FGF14: variants seen among roughly 807,000 people sequenced by gnomAD.
The protein encoded by FGF14 is fibroblast growth factor homologous factor 4.
A neutral mutation model predicts 25.5 loss-of-function variants in FGF14; 5 were observed. That is an observed-to-expected ratio of 0.20 (90% CI 0.10 to 0.41). The LOEUF (loss-of-function observed/expected upper bound fraction) is 0.41, where lower values mean the gene tolerates loss of function less well. Among genes scored for constraint, FGF14 ranks in the 10% least tolerant of loss-of-function variants. FGF14 has a pLI of 1.00. For missense variants in FGF14, 222 were observed against 320.1 expected (o/e 0.69, Z 2.34); for synonymous variants, 138 against 118.3 (o/e 1.17, Z -1.08).
intron 1 of FGF14, among the ~76,000 whole-genome samples, chr13:102,202,068 C>A (rs979909592): frequency 2.0e-5 from 3 of 152,138 alleles, no homozygotes; most frequent in African/African-American, 7.2e-5. Flanking sequence ...TCCTCCTGCT[C>A]CTGCCATGTG....
chr13:101,728,170 G>A (rs2035568194), intron 3 of FGF14, among the ~76,000 whole-genome samples: 1 of 152,078 alleles, frequency 6.6e-6, no homozygotes, highest in Admixed American at 6.6e-5. Context: ...TCAGTGTGCT[G>A]AATAACTTTC....
chr13:101,984,821 G>A (rs1313230235), intron 1 of FGF14, among the ~76,000 whole-genome samples: 3 of 152,084 alleles, frequency 2.0e-5, no homozygotes, highest in African/African-American at 4.8e-5. Context: ...TGGGGACACA[G>A]GCTTGAGTTG....
At chr13:101,817,733 C>A (rs905905253) in intron 3 of FGF14, among the ~76,000 whole-genome samples, 3 of 152,182 alleles carry the variant, frequency 2.0e-5, no homozygotes, top group Admixed American at 2.0e-4. Context: ...CGGACCTCAA[C>A]AGCACTCAGG....
At chr13:102,167,390 C>T (rs1352287927) in intron 1 of FGF14, among the ~76,000 whole-genome samples, 6 of 150,770 alleles carry the variant, frequency 4.0e-5, no homozygotes, top group Non-Finnish European at 5.9e-5. Flanking sequence ...AAGTTCCAGA[C>T]CAGAATTTTA....
intron 1 of FGF14, among the ~76,000 whole-genome samples, chr13:102,018,861 G>A (rs2040486756): frequency 6.6e-6 from 1 of 152,098 alleles, no homozygotes; most frequent in South Asian, 2.1e-4. Flanking sequence ...GGAACTTACA[G>A]ATTACCAGAT....
intron 1 of FGF14, among the ~76,000 whole-genome samples, chr13:102,363,041 C>T (rs1286721618): frequency 1.3e-5 from 2 of 152,032 alleles, no homozygotes; most frequent in Non-Finnish European, 2.9e-5. Context: ...ACCATTAAGG[C>T]ATAAAAACTG....
At chr13:101,792,821 T>C (rs1470817279) in intron 3 of FGF14, among the ~76,000 whole-genome samples, 1 of 152,114 alleles carries the variant, frequency 6.6e-6, no homozygotes, top group Non-Finnish European at 1.5e-5. Context: ...GAACAATCAG[T>C]TGGAGCTGAG....
At chr13:101,919,705 G>A (rs1231332126), upstream of FGF14, among the ~76,000 whole-genome samples, 3 of 151,926 alleles carry the variant, frequency 2.0e-5, no homozygotes, top group Non-Finnish European at 4.4e-5. Flanking sequence ...TGGCTGTGAG[G>A]GTCTCTGACA....
chr13:101,873,025 A>G (rs1237616967), intron 2 of FGF14, among the ~76,000 whole-genome samples: 1 of 146,596 alleles, frequency 6.8e-6, no homozygotes, highest in East Asian at 2.2e-4. Context: ...CTGCAGATAC[A>G]GAAGAAAAAA....
intron 1 of FGF14, among the ~76,000 whole-genome samples, chr13:102,322,731 T>A (rs961840339): frequency 1.3e-5 from 2 of 152,106 alleles, no homozygotes; most frequent in African/African-American, 4.8e-5. Context: ...ATGAATACAT[T>A]TGTAGCTTCA....
At chr13:102,263,126 G>A (rs2052801008) in intron 1 of FGF14, 2 of 619,512 alleles carry the variant, frequency 3.2e-6, no homozygotes, top group Non-Finnish European at 6.2e-6. Flanking sequence ...AATCCACTGG[G>A]GAATGGGATG....
intron 1 of FGF14, among the ~76,000 whole-genome samples, chr13:102,323,957 A>ATGTGTGTGTGTGTGTGTG (rs3066051): frequency 7.3e-6 from 1 of 136,422 alleles, no homozygotes; most frequent in Non-Finnish European, 1.6e-5. Context: ...AACGTGCAGT[A>ATGTGTGTGTGTGTGTGTG]TGTGTGTGTG....
At chr13:102,290,147 T>C (rs2054306348) in intron 1 of FGF14, among the ~76,000 whole-genome samples, 1 of 152,114 alleles carries the variant, frequency 6.6e-6, no homozygotes, top group Non-Finnish European at 1.5e-5. Context: ...GACAGTCTAA[T>C]CCCCAAGGTA....
rs1205988535 is a variant in FGF14 at position 102,171,722 on chromosome 13, A to C, written c.208+229749T>G. 3.3e-5 allele frequency among the ~76,000 whole-genome samples: 5 copies of C among 152,200 alleles called. No individual in the cohort carries two copies. In the East Asian group the frequency reaches 9.7e-4, roughly 29 times the overall value. ...TTTGTTCTTTAATTGAAAAATGGTAAAGATTTATGTTGTCAGTCAGTAAAA... is the reference window on the plus strand; with the variant it reads ...TTTGTTCTTTAATTGAAAAATGGTACAGATTTATGTTGTCAGTCAGTAAAA... On this transcript the variant is annotated intron_variant, in intron 1 of 4. Transcript: ENST00000376131.
chr13:101,994,524 A>G (rs1414918722), intron 1 of FGF14, among the ~76,000 whole-genome samples: 3 of 151,942 alleles, frequency 2.0e-5, no homozygotes, highest in Admixed American at 2.0e-4. Flanking sequence ...TTTTTACTCC[A>G]ATTTTCAGAG....
At chr13:102,372,574 C>T (rs1385956643) in intron 1 of FGF14, among the ~76,000 whole-genome samples, 6 of 152,016 alleles carry the variant, frequency 3.9e-5, no homozygotes, top group African/African-American at 1.4e-4. Context: ...CTTAAAGAGA[C>T]CCATGTTTAC....
At chr13:102,105,990 G>C (rs2044889728) in intron 1 of FGF14, among the ~76,000 whole-genome samples, 2 of 152,204 alleles carry the variant, frequency 1.3e-5, no homozygotes, top group South Asian at 4.2e-4. Context: ...ATTACAGACT[G>C]TAATAAATAT....
intron 3 of FGF14, among the ~76,000 whole-genome samples, chr13:101,789,281 C>A (rs956157644): frequency 6.6e-6 from 1 of 151,944 alleles, no homozygotes; most frequent in East Asian, 1.9e-4. Flanking sequence ...TTTGTGTCTC[C>A]AGGCTTGTGA....
intron 1 of FGF14, among the ~76,000 whole-genome samples, chr13:101,976,780 T>C (rs1288691182): frequency 6.6e-6 from 1 of 152,224 alleles, no homozygotes; most frequent in Non-Finnish European, 1.5e-5. Context: ...TAGGACTTCA[T>C]TGAAAGGAAG....
Sources: allele counts gnomAD v4.1 joint callset (sites outside exome capture counted in the v4.1 genomes callset), GRCh38; gene constraint gnomAD v4.1.1; transcripts MANE v1.5; gene names NCBI Gene and HGNC (gene_info 2026-07-23, HGNC 2026-07-21).